Variants in IQGAP1 observed in about 807,000 individuals in gnomAD.
The protein encoded by IQGAP1 is ras GTPase-activating-like protein IQGAP1.
A neutral mutation model predicts 215.6 loss-of-function variants in IQGAP1; 66 were observed. The observed-to-expected ratio is 0.31, with a 90% CI of 0.25 to 0.38. IQGAP1 has a LOEUF of 0.38. Ranked by LOEUF, IQGAP1 falls within the 10% of genes least tolerant of loss-of-function variation. IQGAP1 has a pLI of 1.00. For synonymous variants in IQGAP1, 772 were observed against 728.7 expected (o/e 1.06, Z -0.96); for missense variants, 1,712 against 1,997.1 (o/e 0.86, Z 2.72).
At chr15:90,428,923 C>T (rs1965264509) in intron 3 of IQGAP1, among the ~76,000 whole-genome samples, 1 of 152,106 alleles carries the variant, frequency 6.6e-6, no homozygotes, top group African/African-American at 2.4e-5. Flanking sequence ...GCCGTCTTGG[C>T]TCTCACTGCA....
At chr15:90,490,131 C>G (rs1326471260) in intron 33 of IQGAP1, among the ~76,000 whole-genome samples, 1 of 152,176 alleles carries the variant, frequency 6.6e-6, no homozygotes, top group Non-Finnish European at 1.5e-5. Context: ...TATGAGCCAT[C>G]CCGAATGTAA....
At chr15:90,455,990 T>C (rs918010234) in intron 14 of IQGAP1, among the ~76,000 whole-genome samples, 162 bp from the exon 15 acceptor site, 1 of 152,214 alleles carries the variant, frequency 6.6e-6, no homozygotes, top group Non-Finnish European at 1.5e-5. Context: ...AAATAAATAC[T>C]AATTAAAAAA....
intron 2 of IQGAP1, among the ~76,000 whole-genome samples, chr15:90,401,789 T>G (rs1293411078): frequency 3.9e-5 from 6 of 152,248 alleles, no homozygotes; most frequent in Admixed American, 1.3e-4. Context: ...GCCATGTTAG[T>G]CTGCTGCTGC....
At chr15:90,466,574 G>T in intron 17 of IQGAP1, 138 bp downstream of exon 17, 1 of 781,678 alleles carries the variant, frequency 1.3e-6, no homozygotes, top group Non-Finnish European at 2.0e-6. Flanking sequence ...TTTTAAAGGA[G>T]ATAAAATCCC....
intron 9 of IQGAP1, among the ~76,000 whole-genome samples, chr15:90,447,310 C>T (rs1596270895): frequency 6.6e-6 from 1 of 152,124 alleles, no homozygotes; most frequent in African/African-American, 2.4e-5. Context: ...ACCTCACATC[C>T]ATACCAATGT....
intron 2 of IQGAP1, among the ~76,000 whole-genome samples, chr15:90,409,834 C>T (rs1431689832): frequency 3.9e-5 from 6 of 152,148 alleles, no homozygotes; most frequent in East Asian, 3.9e-4. Flanking sequence ...TTTTAATGAG[C>T]GACATTCTAA....
chr15:90,442,066 G>C (rs973546738), intron 8 of IQGAP1, among the ~76,000 whole-genome samples: 4 of 151,858 alleles, frequency 2.6e-5, no homozygotes, highest in Admixed American at 6.6e-5. Flanking sequence ...ATTCTAGAGC[G>C]TAGCCATTAA....
At chr15:90,422,516 G>A (rs879038687) in intron 2 of IQGAP1, among the ~76,000 whole-genome samples, 1 of 150,112 alleles carries the variant, frequency 6.7e-6, no homozygotes, top group Admixed American at 6.7e-5. Flanking sequence ...TTAAGGACTT[G>A]GTTAAATTTT....
intron 33 of IQGAP1, among the ~76,000 whole-genome samples, chr15:90,490,645 CATT>C (rs1966190522): frequency 1.3e-5 from 2 of 151,926 alleles, no homozygotes; most frequent in African/African-American, 4.8e-5. Flanking sequence ...ATAGTTATAA[CATT>C]TATACAGCTA....
At chr15:90,449,422 G>T (rs2301828) in intron 10 of IQGAP1, 137 bp from the exon 11 acceptor site, 103,165 of 642,454 alleles carry the variant, frequency 0.16, 11,153 homozygotes, top group East Asian at 0.41. Context: ...CTGCCACCTT[G>T]GCTGCATGTA....
chr15:90,451,781 A>G (rs1596273313), intron 11 of IQGAP1, among the ~76,000 whole-genome samples: 1 of 150,988 alleles, frequency 6.6e-6, no homozygotes, highest in Middle Eastern at 3.5e-3. Flanking sequence ...ATGGCTGTAA[A>G]TGTGTGGCTT....
At chr15:90,497,125 A>G (rs780997399) in intron 36 of IQGAP1, 107 bp from the exon 37 acceptor site, 111 of 638,302 alleles carry the variant, frequency 1.7e-4, no homozygotes, top group Admixed American at 6.1e-4. Flanking sequence ...TATTTTCTGC[A>G]GCCCTTTTCA....
chr15:90,398,536 A>G (rs1351372545), intron 2 of IQGAP1, among the ~76,000 whole-genome samples: 1 of 152,198 alleles, frequency 6.6e-6, no homozygotes, highest in African/African-American at 2.4e-5. Context: ...TACTACACAG[A>G]TGTTCCTCGA....
At chr15:90,474,767 T>C (rs1965954328) in intron 23 of IQGAP1, 74 bp downstream of exon 23, 5 of 1,166,476 alleles carry the variant, frequency 4.3e-6, no homozygotes, top group Non-Finnish European at 2.6e-6. Flanking sequence ...CCTTTCTGAC[T>C]GGTGGGGAGG....
intron 24 of IQGAP1, 112 bp from the exon 25 acceptor site, chr15:90,476,955 T>C: frequency 7.5e-7 from 1 of 1,334,898 alleles, no homozygotes; most frequent in Non-Finnish European, 1.0e-6. Context: ...ACATGTTAAT[T>C]TATTAATCTT....
Position 90,429,577 on chromosome 15 carries a change from T to C in IQGAP1, c.313-12T>C, listed in dbSNP as rs775881210. 1 of 1,573,568 alleles carries C rather than the reference T, an allele frequency of 6.4e-7. No homozygotes were observed. Among genetic ancestry groups the C allele is most frequent in the Non-Finnish European group, 8.6e-7 (1 of 1,165,622 alleles). On this transcript the variant is annotated splice_polypyrimidine_tract_variant and intron_variant, in intron 3 of 37. Coordinates refer to ENST00000268182, the MANE Select transcript of IQGAP1 (RefSeq NM_003870.4). Reference sequence around the variant, plus strand: ...ACAGCCAATAATACCTAATTTTCTTTTTTTTTTCTAGGCGACTGGCCTCCA... The same window carrying C: ...ACAGCCAATAATACCTAATTTTCTTCTTTTTTTCTAGGCGACTGGCCTCCA...
chr15:90,409,583 C>T (rs1052337008), intron 2 of IQGAP1, among the ~76,000 whole-genome samples: 9 of 152,136 alleles, frequency 5.9e-5, no homozygotes, highest in Admixed American at 1.3e-4. Context: ...CTGGGTTGCC[C>T]AGCCTGGCCT....
intron 4 of IQGAP1, among the ~76,000 whole-genome samples, chr15:90,433,468 G>T (rs1965330215): frequency 6.6e-6 from 1 of 152,062 alleles, no homozygotes; most frequent in Non-Finnish European, 1.5e-5. Context: ...AAATTCAGTG[G>T]GTTGTCCAAA....
rs371022759 is a variant in IQGAP1, at chr15:90,422,660, GTATA to G, written c.156-3433_156-3430del. Among the ~76,000 whole-genome samples the G allele has an allele frequency of 9.3e-3, 799 of 85,660 alleles. 27 individuals carry two copies. The highest frequency in any genetic ancestry group is 0.025 in the African/African-American group (671 of 27,240). 56.2% of individuals were successfully genotyped at this position (85,660 alleles called of 152,430 possible). A position where few individuals can be genotyped will look rare whatever the true frequency, so the allele number is the denominator to read the frequency against. ...TATATGTATATGTATATATATATAT[GTATA>G]TATATATATATATATAATTTTTGAG... is the stretch of plus-strand genomic sequence containing the variant. On this transcript the variant is annotated intron_variant, in intron 2 of 37. Coordinates refer to ENST00000268182, the MANE Select transcript of IQGAP1 (RefSeq NM_003870.4).
Sources: gnomAD v4.1 joint callset for allele counts (sites outside exome capture counted in the v4.1 genomes callset) on GRCh38, gnomAD v4.1.1 for gene constraint, MANE v1.5 for transcripts, NCBI Gene and HGNC (gene_info 2026-07-23, HGNC 2026-07-21) for gene names.